The following RNGTT variants were observed in gnomAD, a reference collection of about 807,000 sequenced individuals.
RNGTT encodes mRNA-capping enzyme.
RNGTT carries 33 observed loss-of-function variants against 79.3 expected under a neutral mutation model. That is an observed-to-expected ratio of 0.42 (90% CI 0.32 to 0.56). The LOEUF (loss-of-function observed/expected upper bound fraction) is 0.56, where lower values mean the gene tolerates loss of function less well. RNGTT is among the 20% of genes least tolerant of loss of function. The pLI is 0.17. For synonymous variants in RNGTT, 222 were observed against 235.9 expected (o/e 0.94, Z 0.54); for missense variants, 497 against 739.1 (o/e 0.67, Z 3.80).
At chr6:88,949,532 G>T (rs892385995) in intron 1 of RNGTT, among the ~76,000 whole-genome samples, 4 of 152,126 alleles carry the variant, frequency 2.6e-5, no homozygotes, top group African/African-American at 9.7e-5. Context: ...AAAGTGCTGG[G>T]ATTACAGACG....
At chr6:88,836,585 T>A (rs1289228347) in intron 11 of RNGTT, among the ~76,000 whole-genome samples, 2 of 151,858 alleles carry the variant, frequency 1.3e-5, no homozygotes, top group African/African-American at 2.4e-5. Context: ...CTACAAAAGA[T>A]ACAAAAATTA....
intron 1 of RNGTT, among the ~76,000 whole-genome samples, chr6:88,949,258 CTTTTTTTTTT>C (rs1237749319): frequency 9.4e-6 from 1 of 106,280 alleles, no homozygotes; most frequent in South Asian, 3.2e-4. Context: ...AATAATCAGT[CTTTTTTTTTT>C]TTTTTTTTTT....
rs536225763 is a variant in RNGTT at position 88,697,919 on chromosome 6, C to T, written c.1440-19500G>A. Among the ~76,000 whole-genome samples the T allele has an allele frequency of 2.6e-4, 21 of 79,604 alleles. No homozygotes were observed. In the African/African-American group the frequency reaches 3.5e-3, roughly 13 times the overall value. The allele number at this position is 79,604 out of a possible 152,430, so 52.2% of individuals were successfully genotyped here. ...ATATATATGATATATATATGAAATA[C>T]ATATATATGATATATATATGAAATA... is the stretch of plus-strand genomic sequence containing the variant. On this transcript the variant is annotated intron_variant, in intron 13 of 15. Coordinates refer to ENST00000369485, the MANE Select transcript of RNGTT (RefSeq NM_003800.5).
intron 12 of RNGTT, among the ~76,000 whole-genome samples, chr6:88,772,873 G>A (rs1203499698): frequency 6.6e-6 from 1 of 152,036 alleles, no homozygotes; most frequent in African/African-American, 2.4e-5. Flanking sequence ...CTGTTGGTGG[G>A]ACTGTAAACT....
In RNGTT at chr6:88,929,064, C is replaced by T; in HGVS notation, c.288G>A (p.Glu96=). ...TCTCAGTATTCTCAGTGGTAGGGCACTCACCATGTCTAGTAATATAGAAAA... is the reference window on the plus strand; with the variant it reads ...TCTCAGTATTCTCAGTGGTAGGGCATTCACCATGTCTAGTAATATAGAAAA... ...YIKLQCKGHG[E]CPTTENTETF... The change falls in exon 4 of 16, where the codon GAG becomes GAA. Residue 96 remains glutamate, a synonymous_variant. Transcript: ENST00000369485. 3 of 1,610,998 alleles carry T rather than the reference C, an allele frequency of 1.9e-6. No homozygotes were observed. The highest frequency in any genetic ancestry group is 1.7e-6 in the Non-Finnish European group (2 of 1,178,558).
intron 13 of RNGTT, among the ~76,000 whole-genome samples, chr6:88,698,149 A>C (rs13200956): frequency 4.1e-5 from 4 of 97,016 alleles, no homozygotes; most frequent in South Asian, 2.8e-4. Flanking sequence ...ATATATATGA[A>C]ATACATATGA....
intron 11 of RNGTT, among the ~76,000 whole-genome samples, chr6:88,838,384 T>C (rs1291067380): frequency 6.6e-6 from 1 of 152,158 alleles, no homozygotes; most frequent in Non-Finnish European, 1.5e-5. Context: ...AAAAAATTAT[T>C]AGTATAATAA....
chr6:88,731,509 T>G (rs1486556388), intron 13 of RNGTT, among the ~76,000 whole-genome samples: 2 of 152,112 alleles, frequency 1.3e-5, no homozygotes, highest in African/African-American at 4.8e-5. Flanking sequence ...CTCTAATGGA[T>G]AGATAGTATG....
At position 88,923,309 on chromosome 6, in the gene RNGTT, A is replaced by G. The variant is rs188575414; in HGVS notation, c.367+5676T>C. Among the ~76,000 whole-genome samples the G allele has an allele frequency of 1.3e-4, 20 of 152,332 alleles. No individual in the cohort carries two copies. In the East Asian group the frequency reaches 3.5e-3, roughly 26 times the overall value. On this transcript the variant is annotated intron_variant, in intron 4 of 15. Coordinates refer to ENST00000369485, the MANE Select transcript of RNGTT (RefSeq NM_003800.5). ...GAAGCTGTGGTGAAATTCCTTTCACATAACTCTTTATGTCCATCTCTGACT... is the reference window on the plus strand; with the variant it reads ...GAAGCTGTGGTGAAATTCCTTTCACGTAACTCTTTATGTCCATCTCTGACT...
Position 88,904,699 on chromosome 6 carries a change from T to C in RNGTT, c.684+16A>G, listed in dbSNP as rs1487833204. 1 of 1,579,838 alleles carries C rather than the reference T, an allele frequency of 6.3e-7. No individual in the cohort carries two copies. On this transcript the variant is annotated intron_variant, in intron 6 of 15. Coordinates refer to ENST00000369485, the MANE Select transcript of RNGTT (RefSeq NM_003800.5). Reference sequence around the variant, plus strand: ...AAAGGAAAAAAAAAACCTATTATAATATTTTTAAACATTACCAGTTTTAAC... The same window carrying C: ...AAAGGAAAAAAAAAACCTATTATAACATTTTTAAACATTACCAGTTTTAAC...
rs761366179 is a variant in RNGTT at position 88,906,215 on chromosome 6, AAAG to A, written c.443+147_443+149del. On this transcript the variant is annotated intron_variant, in intron 5 of 15. Transcript: ENST00000369485. ...CACACACACCAAGTAATGGTAGTAT[AAAG>A]ATTAACCATATCTAAAATGAAAAGC... The A allele has an allele frequency of 2.6e-5, 16 of 610,392 alleles. No individual in the cohort carries two copies. In the East Asian group the frequency reaches 3.1e-4, roughly 12 times the overall value. The allele number at this position is 610,392 out of a possible 1,614,324, so 37.8% of individuals were successfully genotyped here. A position where few individuals can be genotyped will look rare whatever the true frequency, so the allele number is the denominator to read the frequency against.
intron 13 of RNGTT, among the ~76,000 whole-genome samples, chr6:88,722,791 C>G (rs537988052): frequency 7.2e-5 from 11 of 152,140 alleles, no homozygotes; most frequent in Non-Finnish European, 1.6e-4. Flanking sequence ...ATACGGTTAT[C>G]AAAGGTGGTC....
In RNGTT at chr6:88,904,716, A is replaced by G; in HGVS notation, c.683T>C (p.Leu228Pro). 1 of 1,604,558 alleles carries G rather than the reference A, an allele frequency of 6.2e-7. No homozygotes were observed. The highest frequency in any genetic ancestry group is 8.5e-7 in the Non-Finnish European group (1 of 1,177,380). The change falls in exon 6 of 16, where the codon CTG becomes CCG. Residue 228 changes from leucine to proline, a missense_variant and splice_region_variant. By Grantham distance (98) the Leu-to-Pro change is moderately conservative. This residue lies in a region of RNGTT where 440 missense variants were observed against 671.5 expected (regional missense o/e 0.66). Coordinates refer to ENST00000369485, the MANE Select transcript of RNGTT (RefSeq NM_003800.5). ...FGKRRKERLK[L>P]GAIFLEGVTV... is the part of the protein sequence containing the mutation. The stretch of plus-strand genomic sequence containing the variant: ...TATTATAATATTTTTAAACATTACC[A>G]GTTTTAACCGTTCTTTTCTCCTTTT...
At position 88,771,611 on chromosome 6, in the gene RNGTT, A is replaced by G. The variant is rs181373907; in HGVS notation, c.1339-1737T>C. Among the ~76,000 whole-genome samples, 347 of 152,076 alleles carry G rather than the reference A, an allele frequency of 2.3e-3. 1 individual carries two copies. Among genetic ancestry groups the G allele is most frequent in the African/African-American group, 7.9e-3 (328 of 41,522 alleles). ...CTGCTGAGATTTTAATGAGGATTAC[A>G]CTGAATCAATCAATAGGTTAGGGAA... On this transcript the variant is annotated intron_variant, in intron 12 of 15. Transcript: ENST00000369485.
chr6:88,952,046 A>G (rs867634607), intron 1 of RNGTT, among the ~76,000 whole-genome samples: 1 of 152,184 alleles, frequency 6.6e-6, no homozygotes, highest in Middle Eastern at 3.4e-3. Context: ...CAGTGGGGAA[A>G]CTTACATTCA....
chr6:88,701,107 G>GAAGAAGAAAGAAGAGAAGAAGAAGA, intron 13 of RNGTT, among the ~76,000 whole-genome samples: 1 of 152,056 alleles, frequency 6.6e-6, no homozygotes, highest in African/African-American at 2.4e-5. Flanking sequence ...AGTGGAAGAA[G>GAAGAAGAAAGAAGAGAAGAAGAAGA]AAGAAGAAAG....
intron 4 of RNGTT, among the ~76,000 whole-genome samples, chr6:88,923,094 A>G (rs1784213054): frequency 6.6e-6 from 1 of 152,122 alleles, no homozygotes; most frequent in Non-Finnish European, 1.5e-5. Flanking sequence ...GGTACTGTGT[A>G]TTTTCTTTCA....
chr6:88,633,685 A>T (rs1772991333), intron 14 of RNGTT, among the ~76,000 whole-genome samples: 1 of 152,180 alleles, frequency 6.6e-6, no homozygotes, highest in Non-Finnish European at 1.5e-5. Flanking sequence ...ATATATATTA[A>T]TAAAAAGTTA....
intron 11 of RNGTT, among the ~76,000 whole-genome samples, chr6:88,820,978 C>G (rs926230655): frequency 6.6e-6 from 1 of 151,974 alleles, no homozygotes; most frequent in Admixed American, 6.6e-5. Flanking sequence ...TATGGAGAGG[C>G]AAACGATCTA....
Sources: gnomAD v4.1 joint callset for allele counts (sites outside exome capture counted in the v4.1 genomes callset) on GRCh38, gnomAD v4.1.1 for gene constraint, gnomAD v4.1.1 regional missense constraint, MANE v1.5 for transcripts, NCBI Gene and HGNC (gene_info 2026-07-23, HGNC 2026-07-21) for gene names.